Variants in TNRC6A observed in about 807,000 individuals in gnomAD.
TNRC6A encodes trinucleotide repeat containing adaptor 6A, also known as trinucleotide repeat-containing gene 6A protein.
In TNRC6A, 44 loss-of-function variants were observed where a neutral mutation model predicts 221.2. That is an observed-to-expected ratio of 0.20 (90% CI 0.16 to 0.26). TNRC6A has a LOEUF of 0.26. TNRC6A is among the 10% of genes least tolerant of loss of function. TNRC6A has a pLI of 1.00. For missense variants in TNRC6A, 2,199 were observed against 2,404.4 expected, an observed-to-expected ratio of 0.91 and a Z score of 1.79; for synonymous variants, 847 against 838.5, an observed-to-expected ratio of 1.01 and a Z score of -0.18.
intron 2 of TNRC6A, among the ~76,000 whole-genome samples, chr16:24,667,589 A>T (rs2055198692): frequency 6.6e-6 from 1 of 152,224 alleles, no homozygotes. Flanking sequence ...CACATCTGGG[A>T]AAAGTACTGA....
chr16:24,800,446 G>A (rs758483356), intron 11 of TNRC6A, among the ~76,000 whole-genome samples: 1 of 152,184 alleles, frequency 6.6e-6, no homozygotes, highest in Non-Finnish European at 1.5e-5. Context: ...ACACAGTCCT[G>A]TATTTCCTCT....
intron 5 of TNRC6A, among the ~76,000 whole-genome samples, chr16:24,787,341 T>A (rs2057995845): frequency 6.6e-6 from 1 of 152,240 alleles, no homozygotes; most frequent in Non-Finnish European, 1.5e-5. Flanking sequence ...TGACGAATCC[T>A]GCCTTTCTCA....
intron 5 of TNRC6A, among the ~76,000 whole-genome samples, chr16:24,787,158 C>T (rs756955144): frequency 3.2e-4 from 49 of 152,246 alleles, no homozygotes; most frequent in Non-Finnish European, 4.9e-4. Flanking sequence ...TATTTGCAGC[C>T]AGCACTGAGC....
intron 1 of TNRC6A, among the ~76,000 whole-genome samples, chr16:24,625,781 G>C (rs957296810): frequency 1.3e-5 from 2 of 151,144 alleles, no homozygotes. Context: ...GGGTGGTGGC[G>C]GGCGCTTGTA....
chr16:24,773,690 C>T (rs899356846), intron 4 of TNRC6A, among the ~76,000 whole-genome samples: 3 of 151,996 alleles, frequency 2.0e-5, no homozygotes, highest in Non-Finnish European at 1.5e-5. Flanking sequence ...TATTATGAGG[C>T]TTGGCATATG....
At chr16:24,794,422 A>T (rs1487183297) in intron 7 of TNRC6A, 122 bp from the exon 8 acceptor site, 3 of 929,728 alleles carry the variant, frequency 3.2e-6, no homozygotes, top group Non-Finnish European at 4.7e-6. Flanking sequence ...GCAGGAAGGG[A>T]AATAAGTGTG....
intron 2 of TNRC6A, among the ~76,000 whole-genome samples, chr16:24,650,467 C>T (rs1003752863): frequency 5.9e-5 from 9 of 152,014 alleles, no homozygotes; most frequent in African/African-American, 1.7e-4. Flanking sequence ...GAGTTTGAGA[C>T]CAGCCTGGCC....
Position 24,790,022 on chromosome 16 carries a change from G to A in TNRC6A, c.1380G>A (p.Met460Ile). 6.2e-7 allele frequency: 1 copy of A among 1,614,186 alleles called. No individual in the cohort carries two copies. The highest frequency in any genetic ancestry group is 8.5e-7 in the Non-Finnish European group (1 of 1,180,042). ...GACCAAATAACACTACTAACTTTAT[G>A]ACCTCTAGTTTACCAAACTCCGGTT... is the stretch of plus-strand genomic sequence containing the variant. Reference protein sequence around the residue: ...MTGPNNTTNFMTSSLPNSGSV... With the variant: ...MTGPNNTTNFITSSLPNSGSV... The change falls in exon 6 of 25, where the codon ATG (methionine) becomes ATA (isoleucine). Residue 460 changes from methionine (M) to isoleucine (I), a missense_variant. Met to Ile is a conservative substitution (Grantham distance 10, BLOSUM62 1). Around this residue, in one of 8 missense-constraint regions of TNRC6A, gnomAD observed 1,405 missense variants for 1,400.2 expected, o/e 1.00. Coordinates refer to ENST00000395799, the MANE Select transcript of TNRC6A (RefSeq NM_014494.4).
chr16:24,776,607 G>C, intron 4 of TNRC6A: 5 of 985,456 alleles, frequency 5.1e-6, no homozygotes, highest in Non-Finnish European at 6.0e-6. Context: ...TTGAGTCATT[G>C]CGAGTTCCCT....
rs1275275634 is a variant in TNRC6A at position 24,794,967 on chromosome 16, C to T, written c.3528+248C>T. ...CCCCCTCCACCAGTGCTGCCTGGGACAACCCCTCATCCTAGGGTGGTGCCT... is the reference window on the plus strand; with the variant it reads ...CCCCCTCCACCAGTGCTGCCTGGGATAACCCCTCATCCTAGGGTGGTGCCT... On this transcript the variant is annotated intron_variant, in intron 8 of 24. Coordinates refer to ENST00000395799, the MANE Select transcript of TNRC6A (RefSeq NM_014494.4). 2.0e-5 allele frequency among the ~76,000 whole-genome samples: 3 copies of T among 152,124 alleles called. No individual in the cohort carries two copies. The East Asian group carries it at 5.8e-4, about 29-fold the overall frequency.
intron 3 of TNRC6A, among the ~76,000 whole-genome samples, chr16:24,751,345 T>G (rs1457810528): frequency 6.6e-6 from 1 of 152,178 alleles, no homozygotes; most frequent in Non-Finnish European, 1.5e-5. Context: ...CCCTCTTTAT[T>G]TAGTACCTGG....
rs75458995 is a variant in TNRC6A at position 24,820,711 on chromosome 16, G to A, written c.5302+351G>A. Among the ~76,000 whole-genome samples the A allele has an allele frequency of 8.5e-3, 1,301 of 152,368 alleles. 10 individuals are homozygous for A. The highest frequency in any genetic ancestry group is 0.014 in the Non-Finnish European group (964 of 68,038). On this transcript the variant is annotated intron_variant, in intron 22 of 24. Transcript: ENST00000395799. ...CATCTGGGCCTTGAAGACTAGGGGG[G>A]TAGCTTGGCCTGTATTAAATGGGGA...
intron 1 of TNRC6A, among the ~76,000 whole-genome samples, chr16:24,622,096 A>G (rs1255892741): frequency 6.7e-6 from 1 of 150,300 alleles, no homozygotes; most frequent in Non-Finnish European, 1.5e-5. Flanking sequence ...CTGGCCAACC[A>G]GTGTTTTTTC....
At chr16:24,693,990 ATAT>A (rs2055807577) in intron 2 of TNRC6A, among the ~76,000 whole-genome samples, 1 of 152,178 alleles carries the variant, frequency 6.6e-6, no homozygotes, top group South Asian at 2.1e-4. Flanking sequence ...GTTTTTCAAC[ATAT>A]TATTATTCTG....
chr16:24,647,437 T>G (rs1902354164), intron 2 of TNRC6A, among the ~76,000 whole-genome samples: 1 of 152,164 alleles, frequency 6.6e-6, no homozygotes, highest in African/African-American at 2.4e-5. Context: ...TGCTCAACAT[T>G]TTATTCTGAT....
chr16:24,667,277 G>A (rs957557105), intron 2 of TNRC6A, among the ~76,000 whole-genome samples: 6 of 152,124 alleles, frequency 3.9e-5, no homozygotes, highest in East Asian at 1.9e-4. Context: ...GCTCTGTCCC[G>A]TGCCTGGGCC....
rs573474554 is a variant in TNRC6A, at chr16:24,790,375, C to T, written c.1733C>T (p.Ala578Val). 112 of 1,614,086 alleles carry T rather than the reference C, an allele frequency of 6.9e-5. No individual in the cohort carries two copies. The highest frequency in any genetic ancestry group is 1.6e-4 in the Middle Eastern group (1 of 6,084). ...GGAGGTGGTGTGTGGGAATCTGGTG[C>T]AGCAAACTCCCAGAGTACATCATGG... is the stretch of plus-strand genomic sequence containing the variant. ...NKGGGVWESG[A>V]ANSQSTSWGS... Residue 578 changes from alanine to valine, a missense_variant, in exon 6 of 25, where the codon GCA becomes GTA. Ala to Val is a moderately conservative substitution (Grantham distance 64). Around this residue, in one of 8 missense-constraint regions of TNRC6A, gnomAD observed 1,405 missense variants for 1,400.2 expected, o/e 1.00. Transcript: ENST00000395799.
intron 5 of TNRC6A, among the ~76,000 whole-genome samples, chr16:24,780,529 T>C (rs1304604757): frequency 6.6e-6 from 1 of 152,212 alleles, no homozygotes; most frequent in Non-Finnish European, 1.5e-5. Flanking sequence ...TGTTAGTGTT[T>C]ATATAAAATA....
At chr16:24,735,022 G>A (rs1249462232) in intron 2 of TNRC6A, among the ~76,000 whole-genome samples, 2 of 152,150 alleles carry the variant, frequency 1.3e-5, no homozygotes, top group Admixed American at 6.5e-5. Flanking sequence ...TGGCTCACAC[G>A]GGTAATCCCA....
Sources: allele counts gnomAD v4.1 joint callset (sites outside exome capture counted in the v4.1 genomes callset), GRCh38; gene constraint gnomAD v4.1.1; regional missense constraint gnomAD v4.1.1; transcripts MANE v1.5; gene names NCBI Gene and HGNC (gene_info 2026-07-23, HGNC 2026-07-21).